Variants in PLPPR1 observed in about 807,000 individuals in gnomAD.
The protein encoded by PLPPR1 is phospholipid phosphatase related 1, also known as phospholipid phosphatase-related protein type 1.
A neutral mutation model predicts 33.1 loss-of-function variants in PLPPR1; 10 were observed. The ratio of observed to expected loss-of-function variants is 0.30; its 90% CI spans 0.19 to 0.51. The LOEUF is 0.51. PLPPR1 is among the 20% of genes least tolerant of loss of function. The probability of loss-of-function intolerance (pLI) is 0.97; values close to 1 mark genes in which losing one functional copy is unlikely to be tolerated. For synonymous variants in PLPPR1, 151 were observed against 151.0 expected, an observed-to-expected ratio of 1.00 and a Z score of 0.00; for missense variants, 304 against 408.1, an observed-to-expected ratio of 0.74 and a Z score of 2.20.
chr9:101,201,708 G>A (rs978678660), intron 2 of PLPPR1, among the ~76,000 whole-genome samples: 4 of 152,110 alleles, frequency 2.6e-5, no homozygotes, highest in African/African-American at 7.2e-5. Flanking sequence ...ATATGAAAAA[G>A]CTAGCCTTGT....
chr9:101,166,184 C>T (rs543600808), intron 1 of PLPPR1, among the ~76,000 whole-genome samples: 1 of 152,292 alleles, frequency 6.6e-6, no homozygotes, highest in African/African-American at 2.4e-5. Context: ...ATGTTTCAAC[C>T]ATATGGCCGT....
intron 1 of PLPPR1, among the ~76,000 whole-genome samples, chr9:101,171,376 T>A (rs1418211749): frequency 6.6e-6 from 1 of 152,184 alleles, no homozygotes; most frequent in Non-Finnish European, 1.5e-5. Context: ...CTCACAGTGT[T>A]CCTGAGTCTG....
chr9:101,312,122 ATT>A (rs1295770872), intron 5 of PLPPR1, among the ~76,000 whole-genome samples: 2 of 152,110 alleles, frequency 1.3e-5, no homozygotes, highest in Non-Finnish European at 2.9e-5. Flanking sequence ...CACACAGAAA[ATT>A]TTAATATTTT....
intron 2 of PLPPR1, among the ~76,000 whole-genome samples, chr9:101,219,551 G>A (rs139445982): frequency 1.3e-5 from 2 of 152,130 alleles, no homozygotes; most frequent in East Asian, 3.9e-4. Flanking sequence ...TAATGTTTGA[G>A]TATAAAACAA....
At chr9:101,266,619 C>G (rs1007916785) in intron 2 of PLPPR1, among the ~76,000 whole-genome samples, 7 of 152,098 alleles carry the variant, frequency 4.6e-5, no homozygotes, top group Non-Finnish European at 7.4e-5. Flanking sequence ...TTTTTATAAA[C>G]TTTTAATTTA....
At chr9:101,142,537 G>A (rs1421202917) in intron 1 of PLPPR1, among the ~76,000 whole-genome samples, 2 of 152,136 alleles carry the variant, frequency 1.3e-5, no homozygotes, top group Non-Finnish European at 2.9e-5. Flanking sequence ...AGCTTGCTGT[G>A]TGGCCAGAAT....
Position 101,124,877 on chromosome 9 carries a change from G to A in PLPPR1, c.-45-60573G>A, listed in dbSNP as rs1009442248. 2.0e-5 allele frequency among the ~76,000 whole-genome samples: 3 copies of A among 152,302 alleles called. No homozygotes were observed. The East Asian group carries it at 5.8e-4, about 29-fold the overall frequency. On this transcript the variant is annotated intron_variant, in intron 1 of 7. Transcript: ENST00000374874. ...GCGGCCTTAAGATGAGTTAACGAATGGAATGCTTGTGCCAGCAAAGACCGC... is the reference window on the plus strand; with the variant it reads ...GCGGCCTTAAGATGAGTTAACGAATAGAATGCTTGTGCCAGCAAAGACCGC...
At chr9:101,087,675 A>G (rs1830695309) in intron 1 of PLPPR1, among the ~76,000 whole-genome samples, 1 of 152,166 alleles carries the variant, frequency 6.6e-6, no homozygotes, top group Admixed American at 6.5e-5. Context: ...ATTTACACTG[A>G]TGTGAAGTGT....
intron 1 of PLPPR1, among the ~76,000 whole-genome samples, chr9:101,108,406 T>G (rs532989553): frequency 3.7e-4 from 56 of 152,306 alleles, no homozygotes; most frequent in African/African-American, 1.3e-3. Flanking sequence ...CAATAGATGT[T>G]TGTTGAATGA....
chr9:101,078,114 A>AAGG (rs1830564605), intron 1 of PLPPR1, among the ~76,000 whole-genome samples: 2 of 33,126 alleles, frequency 6.0e-5, no homozygotes, highest in East Asian at 9.1e-4. Context: ...GAAGAAGAAG[A>AAGG]AGAAGAAGAA....
At chr9:101,054,449 C>T (rs1003236463) in intron 1 of PLPPR1, among the ~76,000 whole-genome samples, 5 of 152,142 alleles carry the variant, frequency 3.3e-5, no homozygotes, top group Admixed American at 3.3e-4. Flanking sequence ...AGAAACATTT[C>T]TGAAGCATAT....
intron 2 of PLPPR1, among the ~76,000 whole-genome samples, chr9:101,192,022 A>C (rs1247495237): frequency 6.6e-6 from 1 of 152,212 alleles, no homozygotes; most frequent in East Asian, 1.9e-4. Context: ...ACTGCAGATA[A>C]ATAATATGAA....
intron 2 of PLPPR1, among the ~76,000 whole-genome samples, chr9:101,257,273 A>G (rs1827818944): frequency 6.6e-6 from 1 of 152,134 alleles, no homozygotes; most frequent in Non-Finnish European, 1.5e-5. Context: ...ACTATCTTGT[A>G]TATTGGAGAA....
At chr9:101,264,272 A>C (rs1396028830) in intron 2 of PLPPR1, among the ~76,000 whole-genome samples, 1 of 152,082 alleles carries the variant, frequency 6.6e-6, no homozygotes, top group Non-Finnish European at 1.5e-5. Context: ...CTCTGATGTC[A>C]TACTCCCTCT....
chr9:101,253,891 GT>G (rs1827754721), intron 2 of PLPPR1, among the ~76,000 whole-genome samples: 2 of 152,032 alleles, frequency 1.3e-5, no homozygotes, highest in Non-Finnish European at 2.9e-5. Context: ...AGTATGTAGT[GT>G]TTTTAGTACA....
At chr9:101,100,507 C>G (rs62575680) in intron 1 of PLPPR1, among the ~76,000 whole-genome samples, 57,002 of 151,868 alleles carry the variant, frequency 0.38, 10,996 homozygotes, top group Non-Finnish European at 0.43. Context: ...CCTCACACTT[C>G]TCTCAACTCA....
chr9:101,323,491 T>TAAAAAAAAAAAAA (rs1829193676), intron 7 of PLPPR1, among the ~76,000 whole-genome samples: 1 of 133,044 alleles, frequency 7.5e-6, no homozygotes. Flanking sequence ...AAAAAAAAAG[T>TAAAAAAAAAAAAA]TTGGGTGAAG....
Position 101,085,156 on chromosome 9 carries a change from G to A in PLPPR1, c.-46+56054G>A, listed in dbSNP as rs1376658660. On this transcript the variant is annotated intron_variant, in intron 1 of 7. Coordinates refer to ENST00000374874, the MANE Select transcript of PLPPR1 (RefSeq NM_207299.2). Reference sequence around the variant, plus strand: ...ATACCACTGTAATGGGAATGGAGCAGGTTCACAGACAGAAACAGACACAAG... The same window carrying A: ...ATACCACTGTAATGGGAATGGAGCAAGTTCACAGACAGAAACAGACACAAG... Among the ~76,000 whole-genome samples the A allele has an allele frequency of 2.6e-5, 4 of 152,144 alleles. No homozygotes were observed. In the East Asian group the frequency reaches 7.7e-4, roughly 29 times the overall value.
Position 101,175,496 on chromosome 9 carries a change from A to G in PLPPR1, c.-45-9954A>G, listed in dbSNP as rs140196150. ...AAAAGATAACACATCTCTGACCACA[A>G]GGGTTAGAATTGATCATTCTTTGGC... On this transcript the variant is annotated intron_variant, in intron 1 of 7. Coordinates refer to ENST00000374874, the MANE Select transcript of PLPPR1 (RefSeq NM_207299.2). Among the ~76,000 whole-genome samples, 13 of 152,274 alleles carry G rather than the reference A, an allele frequency of 8.5e-5. No homozygotes were observed. The East Asian group carries it at 1.9e-3, about 23-fold the overall frequency.
Sources: allele counts gnomAD v4.1 joint callset (sites outside exome capture counted in the v4.1 genomes callset), GRCh38; gene constraint gnomAD v4.1.1; transcripts MANE v1.5; gene names NCBI Gene and HGNC (gene_info 2026-07-23, HGNC 2026-07-21).